The following PFKM variants were observed in gnomAD, a reference collection of about 807,000 sequenced individuals.
The protein encoded by PFKM is ATP-dependent 6-phosphofructokinase, muscle type.
PFKM carries 58 observed loss-of-function variants against 95.5 expected under a neutral mutation model. That is an observed-to-expected ratio of 0.61 (90% CI 0.49 to 0.76). The LOEUF (loss-of-function observed/expected upper bound fraction) is 0.76, where lower values mean the gene tolerates loss of function less well. PFKM is among the 30% of genes least tolerant of loss of function. The probability of loss-of-function intolerance (pLI) is 0.00; values close to 1 mark genes in which losing one functional copy is unlikely to be tolerated. For missense variants in PFKM, 678 were observed against 1,005.4 expected (o/e 0.67, Z 4.40); for synonymous variants, 336 against 357.2 (o/e 0.94, Z 0.67).
At chr12:48,120,630 C>G (rs1948157923) in intron 1 of PFKM, among the ~76,000 whole-genome samples, 1 of 152,186 alleles carries the variant, frequency 6.6e-6, no homozygotes, top group African/African-American at 2.4e-5. Context: ...CAAAAACATC[C>G]ATGATAATAC....
At chr12:48,119,308 C>T (rs1947946711), upstream of PFKM, 6 of 983,452 alleles carry the variant, frequency 6.1e-6, no homozygotes, top group South Asian at 2.8e-4. Context: ...CCCTCTTTGC[C>T]TCCACCTGGC....
chr12:48,119,707 AT>A (rs1328170719), intron 1 of PFKM: 1 of 152,232 alleles, frequency 6.6e-6, no homozygotes, highest in Admixed American at 6.5e-5. Flanking sequence ...CCCAATTCAA[AT>A]CAGTGCTCCT....
chr12:48,109,440 C>G lies in PFKM; in HGVS notation c.205+1246C>G, dbSNP rs576989700. ...TCCCTTTAATCAGACTTCCTTTGCC[C>G]CTGCATAGAAAGCAGCAAGAAATAA... On this transcript the variant is annotated intron_variant, in intron 3 of 24. Transcript: ENST00000340802. Among the ~76,000 whole-genome samples the G allele has an allele frequency of 3.9e-5, 6 of 152,090 alleles. No homozygotes were observed. In the South Asian group the frequency reaches 1.2e-3, roughly 32 times the overall value.
intron 3 of PFKM, among the ~76,000 whole-genome samples, chr12:48,114,067 A>G (rs1169484019): frequency 6.6e-6 from 1 of 152,094 alleles, no homozygotes; most frequent in Non-Finnish European, 1.5e-5. Flanking sequence ...TATCTGGGGA[A>G]TCGGCCGGAT....
At chr12:48,108,082 T>G in exon 3 of PFKM, 2 of 1,599,344 alleles carry the variant, frequency 1.3e-6, no homozygotes, top group Non-Finnish European at 1.7e-6. Flanking sequence ...CTGGGGAAGC[T>G]TCTACTTCCA....
chr12:48,105,978 C>G, exon 1 of PFKM: 2 of 699,828 alleles, frequency 2.9e-6, no homozygotes, highest in Admixed American at 2.0e-5. Context: ...GTCTCCTGGA[C>G]CAGGCTCCCT....
rs1207088177 is a variant in PFKM at position 48,145,863 on chromosome 12, A to T, written c.*155A>T. ...ACCAGTTCTGGCCAGGAGCTGGAGG[A>T]GCAGGCAGTGGGTGGGAGCTCCTTT... On this transcript the variant is annotated 3_prime_UTR_variant, in exon 23 of 23. Coordinates refer to ENST00000359794, the MANE Select transcript of PFKM (RefSeq NM_000289.6). This position sits in a 1 kb window ranked among gnomAD's most constrained non-coding sequence, Gnocchi z 4.3. 2.7e-6 allele frequency: 2 copies of T among 747,364 alleles called. No individual in the cohort carries two copies. The highest frequency in any genetic ancestry group is 4.5e-6 in the Non-Finnish European group (2 of 448,288). The allele number at this position is 747,364 out of a possible 1,614,324, so 46.3% of individuals were successfully genotyped here. A position where few individuals can be genotyped will look rare whatever the true frequency, so the allele number is the denominator to read the frequency against.
Position 48,146,350 on chromosome 12 carries a change from CTT to C in PFKM, c.*644_*645del, listed in dbSNP as rs1951039688. 6.5e-6 allele frequency: 1 copy of C among 154,976 alleles called. No homozygotes were observed. The highest frequency in any genetic ancestry group is 1.4e-5 in the Non-Finnish European group (1 of 69,766). The allele number at this position is 154,976 out of a possible 1,614,324, so 9.6% of individuals were successfully genotyped here. On this transcript the variant is annotated 3_prime_UTR_variant, in exon 23 of 23. Coordinates refer to ENST00000359794, the MANE Select transcript of PFKM (RefSeq NM_000289.6). ...TCAGGGAATAAGGCAGCCAAATACT[CTT>C]TGCACAGTTCTTTAGTGGGAAGAGA...
intron 3 of PFKM, among the ~76,000 whole-genome samples, chr12:48,113,246 GA>G (rs552684331): frequency 4.1e-4 from 63 of 152,304 alleles, no homozygotes; most frequent in African/African-American, 1.4e-3. Context: ...GGAGACAAGG[GA>G]AGCTGGCCTT....
At chr12:48,125,302 T>C (rs1213300659) in intron 2 of PFKM, 1 of 450,076 alleles carries the variant, frequency 2.2e-6, no homozygotes, top group Non-Finnish European at 4.5e-6. Flanking sequence ...TGTATGTTTA[T>C]CTTTTTGATT....
chr12:48,111,828 T>C (rs1464961022), intron 3 of PFKM, among the ~76,000 whole-genome samples: 1 of 151,934 alleles, frequency 6.6e-6, no homozygotes, highest in Non-Finnish European at 1.5e-5. Flanking sequence ...ACAATGGTAA[T>C]TGTGGGATAC....
chr12:48,106,215 C>T (rs1438048227), intron 1 of PFKM: 1 of 663,200 alleles, frequency 1.5e-6, no homozygotes, highest in Non-Finnish European at 2.8e-6. Context: ...CGCGGTGTGG[C>T]GAGGCCCGAG....
chr12:48,107,684 G>A (rs944186588), intron 2 of PFKM, among the ~76,000 whole-genome samples: 2 of 152,180 alleles, frequency 1.3e-5, no homozygotes, highest in African/African-American at 4.8e-5. Context: ...AGGAGGACTT[G>A]AGAGTTGAGG....
chr12:48,118,991 T>C (rs545183911), upstream of PFKM, among the ~76,000 whole-genome samples: 4 of 152,268 alleles, frequency 2.6e-5, no homozygotes, highest in Non-Finnish European at 2.9e-5. Flanking sequence ...CAGGTTTTAT[T>C]AGCAGTTGCT....
At chr12:48,117,617 G>T (rs761617757), upstream of PFKM, among the ~76,000 whole-genome samples, 5 of 152,200 alleles carry the variant, frequency 3.3e-5, no homozygotes, top group Non-Finnish European at 7.3e-5. Context: ...TTTGCCACCT[G>T]TATATCTTCT....
intron 5 of PFKM, 30 bp from the exon 6 acceptor site, chr12:48,133,285 A>T: frequency 6.2e-7 from 1 of 1,601,308 alleles, no homozygotes. Flanking sequence ...TGCCTCACCC[A>T]GTGGCTCCTG....
At chr12:48,137,903 C>G (rs1056111678) in intron 11 of PFKM, 57 bp downstream of exon 11, 1 of 1,595,088 alleles carries the variant, frequency 6.3e-7, no homozygotes, top group Admixed American at 1.7e-5. Flanking sequence ...CCTTGGAGCT[C>G]AAGGGGCATG....
In PFKM at chr12:48,146,141, T is replaced by C. The variant is rs1307600861; in HGVS notation, c.*433T>C. On this transcript the variant is annotated 3_prime_UTR_variant, in exon 23 of 23. Transcript: ENST00000359794. ...CCTGTTATCATCTTCCTAAGTGGAA[T>C]GTAATACTGTCAGCCCCATGTATCA... 4.2e-6 allele frequency: 1 copy of C among 236,020 alleles called. No individual in the cohort carries two copies. The highest frequency in any genetic ancestry group is 8.5e-6 in the Non-Finnish European group (1 of 118,080). The allele number at this position is 236,020 out of a possible 1,614,324, so 14.6% of individuals were successfully genotyped here. A position where few individuals can be genotyped will look rare whatever the true frequency, so the allele number is the denominator to read the frequency against.
upstream of PFKM, among the ~76,000 whole-genome samples, chr12:48,119,047 A>C (rs1947921042): frequency 6.6e-6 from 1 of 152,206 alleles, no homozygotes; most frequent in Admixed American, 6.5e-5. Context: ...GGACTAGGAA[A>C]AAGTTCTGTG....
Sources: allele counts gnomAD v4.1 joint callset (sites outside exome capture counted in the v4.1 genomes callset), GRCh38; gene constraint gnomAD v4.1.1; non-coding constraint Gnocchi (gnomAD v3.1); transcripts MANE v1.5; gene names NCBI Gene and HGNC (gene_info 2026-07-23, HGNC 2026-07-21).